The following TSPAN9 variants were observed in gnomAD, a reference collection of about 807,000 sequenced individuals.
The protein encoded by TSPAN9 is tetraspanin-9.
In TSPAN9, 16 loss-of-function variants were observed where a neutral mutation model predicts 31.0. That is an observed-to-expected ratio of 0.52 (90% CI 0.35 to 0.78). The LOEUF is 0.78. Ranked by LOEUF, TSPAN9 falls within the 30% of genes least tolerant of loss-of-function variation. The pLI is 0.01. For missense variants in TSPAN9, 272 were observed against 312.5 expected, an observed-to-expected ratio of 0.87 and a Z score of 0.98; for synonymous variants, 145 against 121.6, an observed-to-expected ratio of 1.19 and a Z score of -1.27.
At chr12:3,124,494 A>G (rs1042559537) in intron 2 of TSPAN9, among the ~76,000 whole-genome samples, 1 of 150,716 alleles carries the variant, frequency 6.6e-6, no homozygotes, top group African/African-American at 2.4e-5. Flanking sequence ...CAATGGCTTG[A>G]TCTCGTGGGT....
rs151039760 is a variant in TSPAN9 at position 3,280,332 on chromosome 12, C to G, written c.331-50C>G. 1.9e-6 allele frequency: 3 copies of G among 1,559,714 alleles called. No individual in the cohort carries two copies. The South Asian group carries it at 3.3e-5, about 17-fold the overall frequency. On this transcript the variant is annotated intron_variant, in intron 5 of 8. Coordinates refer to ENST00000011898, the MANE Select transcript of TSPAN9 (RefSeq NM_006675.5). The surrounding 1 kb of genome is among the most constrained non-coding windows in gnomAD (Gnocchi z 4.5). ...GGTGACCTGAGGTGGGCTGGAGAGACGAGCTGCGTCCTGGTTCCAACCGTC... is the reference window on the plus strand; with the variant it reads ...GGTGACCTGAGGTGGGCTGGAGAGAGGAGCTGCGTCCTGGTTCCAACCGTC...
At chr12:3,154,454 G>A (rs2098341285) in intron 2 of TSPAN9, among the ~76,000 whole-genome samples, 1 of 152,162 alleles carries the variant, frequency 6.6e-6, no homozygotes, top group African/African-American at 2.4e-5. Context: ...GCACCCTTAG[G>A]GAACTTGCAG....
chr12:3,194,641 CCT>C (rs1409437788), intron 2 of TSPAN9, among the ~76,000 whole-genome samples: 1 of 152,188 alleles, frequency 6.6e-6, no homozygotes, highest in Admixed American at 6.5e-5. Flanking sequence ...CCTGCCTTGG[CCT>C]CTCAAAGTTT....
At chr12:3,113,308 G>A (rs1295235780) in intron 2 of TSPAN9, among the ~76,000 whole-genome samples, 3 of 152,176 alleles carry the variant, frequency 2.0e-5, no homozygotes, top group Non-Finnish European at 2.9e-5. Flanking sequence ...ACCCTGCAAA[G>A]GATGGAGAGA....
At chr12:3,099,288 G>A (rs1253878405) in intron 2 of TSPAN9, among the ~76,000 whole-genome samples, 3 of 152,214 alleles carry the variant, frequency 2.0e-5, no homozygotes, top group East Asian at 1.9e-4. Flanking sequence ...CGGATCTTCT[G>A]CAGTGGGTAA....
At chr12:3,178,136 CT>C (rs560055381) in intron 2 of TSPAN9, among the ~76,000 whole-genome samples, 132 of 152,218 alleles carry the variant, frequency 8.7e-4, no homozygotes, top group Non-Finnish European at 1.5e-3. Context: ...CCATTCTTAT[CT>C]TTTTTTATGA....
rs1862877898 is a variant in TSPAN9, at chr12:3,280,711, T to C, written c.432+228T>C. Among the ~76,000 whole-genome samples, 1 of 152,188 alleles carries C rather than the reference T, an allele frequency of 6.6e-6. No individual in the cohort carries two copies. The highest frequency in any genetic ancestry group is 1.5e-5 in the Non-Finnish European group (1 of 68,034). Reference sequence around the variant, plus strand: ...ACAGGAGGGGCAGGCCTGAGAGAGCTGTGGCTGAGCTTTGGGATGAATGAC... The same window carrying C: ...ACAGGAGGGGCAGGCCTGAGAGAGCCGTGGCTGAGCTTTGGGATGAATGAC... On this transcript the variant is annotated intron_variant, in intron 6 of 8. Coordinates refer to ENST00000011898, the MANE Select transcript of TSPAN9 (RefSeq NM_006675.5). This position sits in a 1 kb window ranked among gnomAD's most constrained non-coding sequence, Gnocchi z 4.5.
At chr12:3,117,433 T>C (rs1466783000) in intron 2 of TSPAN9, among the ~76,000 whole-genome samples, 1 of 152,144 alleles carries the variant, frequency 6.6e-6, no homozygotes, top group African/African-American at 2.4e-5. Flanking sequence ...GTGGGACTAT[T>C]TGCCCGATTT....
intron 3 of TSPAN9, among the ~76,000 whole-genome samples, chr12:3,244,589 C>T (rs781014207): frequency 5.3e-5 from 8 of 152,196 alleles, no homozygotes; most frequent in Non-Finnish European, 7.3e-5. Flanking sequence ...AGCCACCTCA[C>T]GCCCCACCGG....
At chr12:3,244,627 G>A (rs552245235) in intron 3 of TSPAN9, among the ~76,000 whole-genome samples, 17 of 152,274 alleles carry the variant, frequency 1.1e-4, no homozygotes, top group South Asian at 6.2e-4. Flanking sequence ...GACAGCGAGC[G>A]CCAGTAGCAG....
At chr12:3,258,447 A>G (rs1862389635) in intron 3 of TSPAN9, among the ~76,000 whole-genome samples, 1 of 152,070 alleles carries the variant, frequency 6.6e-6, no homozygotes, top group African/African-American at 2.4e-5. Context: ...TACTGTGGGG[A>G]GGGAGACCTC....
At chr12:3,152,678 C>G (rs755959460) in intron 2 of TSPAN9, among the ~76,000 whole-genome samples, 25 of 152,062 alleles carry the variant, frequency 1.6e-4, no homozygotes, top group Non-Finnish European at 3.2e-4. Context: ...CTCCGCCTCC[C>G]AGGTTCAAGC....
At chr12:3,136,687 A>G (rs1291324320) in intron 2 of TSPAN9, among the ~76,000 whole-genome samples, 1 of 152,162 alleles carries the variant, frequency 6.6e-6, no homozygotes, top group Non-Finnish European at 1.5e-5. Flanking sequence ...AACCCTCTGT[A>G]AGAGGAACAC....
At chr12:3,135,196 A>G (rs775369890) in intron 2 of TSPAN9, among the ~76,000 whole-genome samples, 1 of 152,000 alleles carries the variant, frequency 6.6e-6, no homozygotes, top group African/African-American at 2.4e-5. Flanking sequence ...CAATCCTCCC[A>G]CCTTGGCCTC....
intron 2 of TSPAN9, among the ~76,000 whole-genome samples, chr12:3,094,831 G>A (rs1013759033): frequency 5.4e-5 from 8 of 146,838 alleles, no homozygotes; most frequent in African/African-American, 1.8e-4. Context: ...CAACACGCCC[G>A]GCAAAAATCA....
At chr12:3,237,313 A>T (rs1167767560) in intron 3 of TSPAN9, among the ~76,000 whole-genome samples, 1 of 152,106 alleles carries the variant, frequency 6.6e-6, no homozygotes, top group Non-Finnish European at 1.5e-5. Context: ...TTGCCTCCTG[A>T]TGACTTACGA....
intron 3 of TSPAN9, among the ~76,000 whole-genome samples, chr12:3,264,058 G>A (rs1232231768): frequency 6.6e-6 from 1 of 152,328 alleles, no homozygotes; most frequent in South Asian, 2.1e-4. Flanking sequence ...AAGTGTCTCA[G>A]TGATTTAGGT....
chr12:3,270,491 G>A (rs1419942851), intron 3 of TSPAN9, among the ~76,000 whole-genome samples: 1 of 152,190 alleles, frequency 6.6e-6, no homozygotes, highest in African/African-American at 2.4e-5. Flanking sequence ...CTGCTCCCAG[G>A]GCTATACCAA....
intron 2 of TSPAN9, among the ~76,000 whole-genome samples, chr12:3,109,080 C>T (rs1485205104): frequency 2.6e-5 from 4 of 152,086 alleles, no homozygotes; most frequent in Non-Finnish European, 4.4e-5. Flanking sequence ...GGACTACAGG[C>T]ACTCGCCACC....
Sources: allele counts gnomAD v4.1 joint callset (sites outside exome capture counted in the v4.1 genomes callset), GRCh38; gene constraint gnomAD v4.1.1; non-coding constraint Gnocchi (gnomAD v3.1); transcripts MANE v1.5; gene names NCBI Gene and HGNC (gene_info 2026-07-23, HGNC 2026-07-21).